Variants in CDH12 observed in about 807,000 individuals in gnomAD.
CDH12 encodes cadherin 12.
CDH12 carries 41 observed loss-of-function variants against 74.1 expected under a neutral mutation model. That is an observed-to-expected ratio of 0.55 (90% confidence interval 0.43 to 0.72). The LOEUF (loss-of-function observed/expected upper bound fraction) is 0.72, where lower values mean the gene tolerates loss of function less well. Ranked by LOEUF, CDH12 falls within the 30% of genes least tolerant of loss-of-function variation. The pLI is 0.00. For missense variants in CDH12, 945 were observed against 977.2 expected (o/e 0.97, Z 0.44); for synonymous variants, 399 against 355.0 (o/e 1.12, Z -1.39).
intron 5 of CDH12, among the ~76,000 whole-genome samples, chr5:22,019,193 G>A (rs1040777326): frequency 6.6e-6 from 1 of 151,882 alleles, no homozygotes; most frequent in Non-Finnish European, 1.5e-5. Flanking sequence ...CATATGTCTT[G>A]TTCTATATGT....
intron 1 of CDH12, chr5:22,580,466 C>A: frequency 2.0e-6 from 1 of 508,460 alleles, no homozygotes; most frequent in Non-Finnish European, 4.1e-6. Context: ...CGACTGCATG[C>A]GTGTCAGACA....
At chr5:21,929,784 G>A (rs534733350) in intron 6 of CDH12, among the ~76,000 whole-genome samples, 2 of 152,194 alleles carry the variant, frequency 1.3e-5, no homozygotes, top group African/African-American at 4.8e-5. Context: ...CATCCAAAGT[G>A]CTGGGATTAC....
intron 1 of CDH12, among the ~76,000 whole-genome samples, chr5:22,719,513 T>C (rs1271692300): frequency 6.6e-6 from 1 of 152,062 alleles, no homozygotes; most frequent in Non-Finnish European, 1.5e-5. Context: ...ACTGCAAATG[T>C]GTGTCTAGTG....
At chr5:22,410,529 A>G (rs1421000764) in intron 2 of CDH12, among the ~76,000 whole-genome samples, 3 of 152,148 alleles carry the variant, frequency 2.0e-5, no homozygotes, top group Non-Finnish European at 4.4e-5. Flanking sequence ...TCATACTTCT[A>G]CATGGCTATC....
chr5:22,020,886 T>C (rs1465314041), intron 5 of CDH12, among the ~76,000 whole-genome samples: 1 of 151,820 alleles, frequency 6.6e-6, no homozygotes, highest in Non-Finnish European at 1.5e-5. Context: ...GGGACTATTG[T>C]AAATTCCTGA....
At chr5:22,370,381 A>G (rs1006547693) in intron 3 of CDH12, among the ~76,000 whole-genome samples, 1 of 152,186 alleles carries the variant, frequency 6.6e-6, no homozygotes, top group East Asian at 1.9e-4. Flanking sequence ...AAGGTGCTCA[A>G]TGGAGTAATG....
At chr5:22,054,586 C>T (rs149681935) in intron 5 of CDH12, among the ~76,000 whole-genome samples, 5 of 151,790 alleles carry the variant, frequency 3.3e-5, no homozygotes, top group African/African-American at 1.2e-4. Context: ...AAAGATCTGC[C>T]CATGTCTTAG....
At chr5:22,173,769 C>T (rs1478343578) in intron 4 of CDH12, among the ~76,000 whole-genome samples, 1 of 151,750 alleles carries the variant, frequency 6.6e-6, no homozygotes, top group Admixed American at 6.6e-5. Flanking sequence ...GTGTAATTTC[C>T]TTAGTATTTT....
intron 3 of CDH12, among the ~76,000 whole-genome samples, chr5:22,320,441 C>T (rs187169894): frequency 3.9e-5 from 6 of 152,044 alleles, no homozygotes; most frequent in Admixed American, 1.3e-4. Context: ...AATGGCTTTT[C>T]TCTATTTCAT....
At chr5:22,762,636 T>C (rs1479257296) in intron 1 of CDH12, among the ~76,000 whole-genome samples, 7 of 152,044 alleles carry the variant, frequency 4.6e-5, no homozygotes, top group Admixed American at 3.9e-4. Flanking sequence ...CTAAGATCGT[T>C]GGGTCAAATT....
intron 1 of CDH12, among the ~76,000 whole-genome samples, chr5:22,792,084 G>A (rs1747938584): frequency 6.8e-6 from 1 of 147,926 alleles, no homozygotes; most frequent in Non-Finnish European, 1.5e-5. Context: ...CATGAACTAG[G>A]GCTTTTTTTT....
chr5:22,357,014 A>G (rs1740590842), intron 3 of CDH12, among the ~76,000 whole-genome samples: 1 of 152,144 alleles, frequency 6.6e-6, no homozygotes, highest in African/African-American at 2.4e-5. Context: ...ATGTGTCTCT[A>G]GCTACACATA....
intron 4 of CDH12, among the ~76,000 whole-genome samples, chr5:22,117,475 ATAT>A (rs1247065120): frequency 4.5e-5 from 3 of 66,930 alleles, no homozygotes; most frequent in East Asian, 1.0e-3. Context: ...TATAATATAT[ATAT>A]TATATATATA....
intron 1 of CDH12, among the ~76,000 whole-genome samples, chr5:22,575,469 T>C (rs974351071): frequency 1.3e-5 from 2 of 152,088 alleles, no homozygotes; most frequent in Non-Finnish European, 2.9e-5. Context: ...CATGGCTCTC[T>C]GCAGCCTCCA....
At chr5:22,142,925 G>C (rs1255316305) in intron 4 of CDH12, 2 of 234,418 alleles carry the variant, frequency 8.5e-6, no homozygotes, top group Admixed American at 4.1e-5. Flanking sequence ...ATATGGACCT[G>C]TTGGTCTATG....
At chr5:22,605,356 C>T (rs750846364) in intron 1 of CDH12, among the ~76,000 whole-genome samples, 17 of 152,184 alleles carry the variant, frequency 1.1e-4, no homozygotes, top group African/African-American at 4.1e-4. Flanking sequence ...GACTGAAGCA[C>T]CTATGAGAAG....
At chr5:22,090,226 A>T (rs186375598) in intron 4 of CDH12, among the ~76,000 whole-genome samples, 122 of 152,104 alleles carry the variant, frequency 8.0e-4, no homozygotes, top group Non-Finnish European at 1.6e-3. Context: ...TAACAATTAA[A>T]AAACGTACTA....
intron 3 of CDH12, among the ~76,000 whole-genome samples, chr5:22,288,930 G>A (rs1349197428): frequency 6.6e-6 from 1 of 152,140 alleles, no homozygotes; most frequent in East Asian, 1.9e-4. Context: ...TGTATTCTTA[G>A]TTATGAAGAA....
intron 1 of CDH12, among the ~76,000 whole-genome samples, chr5:22,698,122 C>CTTTTTTTTTTTTTTTTT (rs10677695): frequency 1.1e-5 from 1 of 91,200 alleles, no homozygotes; most frequent in Non-Finnish European, 2.0e-5. Flanking sequence ...AAAGGCAGGG[C>CTTTTTTTTTTTTTTTTT]TTTTTTTTTT....
Sources: gnomAD v4.1 joint callset for allele counts (sites outside exome capture counted in the v4.1 genomes callset) on GRCh38, gnomAD v4.1.1 for gene constraint, MANE v1.5 for transcripts, NCBI Gene and HGNC (gene_info 2026-07-23, HGNC 2026-07-21) for gene names.